PTGS1: variants seen among roughly 807,000 people sequenced by gnomAD.
The protein encoded by PTGS1 is prostaglandin G/H synthase 1.
In PTGS1, 40 loss-of-function variants were observed where a neutral mutation model predicts 63.0. The ratio of observed to expected loss-of-function variants is 0.63; its 90% CI spans 0.49 to 0.83. The LOEUF (loss-of-function observed/expected upper bound fraction) is 0.83. PTGS1 is among the 40% of genes least tolerant of loss of function. PTGS1 has a pLI of 0.00. For synonymous variants in PTGS1, 298 were observed against 301.9 expected (o/e 0.99, Z 0.13); for missense variants, 709 against 786.5 (o/e 0.90, Z 1.18).
chr9:122,372,006 G>A (rs560324634), intron 2 of PTGS1, among the ~76,000 whole-genome samples: 24 of 152,186 alleles, frequency 1.6e-4, no homozygotes, highest in South Asian at 4.1e-4. Context: ...GGGAAATTCC[G>A]CCCTTCCCTC....
At position 122,381,758 on chromosome 9, in the gene PTGS1, GC is replaced by G. The variant is rs772879352; in HGVS notation, c.762+13del. The G allele has an allele frequency of 1.2e-5, 19 of 1,592,882 alleles. 1 individual carries two copies. The South Asian group carries it at 1.8e-4, about 15-fold the overall frequency. On this transcript the variant is annotated intron_variant, in intron 7 of 10. Transcript: ENST00000362012. Reference sequence around the variant, plus strand: ...AAACTCAAGTACCAGGTAGTGCTGGGCCAGGGGGTAGGGCAGAGGGAGGGGT... The same window carrying G: ...AAACTCAAGTACCAGGTAGTGCTGGGCAGGGGGTAGGGCAGAGGGAGGGGT...
At chr9:122,375,344 C>G (rs759738095) in intron 2 of PTGS1, 15 of 985,484 alleles carry the variant, frequency 1.5e-5, no homozygotes, top group Non-Finnish European at 1.7e-5. Flanking sequence ...TTCTGCCTGC[C>G]GAGGCAGAGC....
intron 5 of PTGS1, among the ~76,000 whole-genome samples, chr9:122,380,464 C>CAAA (rs1212366547): frequency 2.9e-5 from 4 of 136,040 alleles, no homozygotes; most frequent in African/African-American, 1.2e-4. Flanking sequence ...GACCCTGTCT[C>CAAA]AAAAATAAAT....
intron 2 of PTGS1, 112 bp from the exon 3 acceptor site, chr9:122,377,787 C>A: frequency 1.1e-6 from 1 of 919,112 alleles, no homozygotes; most frequent in Non-Finnish European, 1.7e-6. Flanking sequence ...TGATTCAGGA[C>A]GGAGCTGCGA....
chr9:122,390,357 T>C lies in PTGS1; in HGVS notation c.1444+12T>C. 2 of 1,613,404 alleles carry C rather than the reference T, an allele frequency of 1.2e-6. No homozygotes were observed. The highest frequency in any genetic ancestry group is 1.7e-6 in the Non-Finnish European group (2 of 1,179,672). Reference sequence around the variant, plus strand: ...CCAGGAGCTCGTAGGTGAGCAGCTGTTTCCTGGATGCAGTCCCTGCCCTTG... The same window carrying C: ...CCAGGAGCTCGTAGGTGAGCAGCTGCTTCCTGGATGCAGTCCCTGCCCTTG... On this transcript the variant is annotated intron_variant, in intron 10 of 10. Transcript: ENST00000362012.
At chr9:122,387,205 A>G (rs1037619149) in intron 9 of PTGS1, among the ~76,000 whole-genome samples, 2 of 151,886 alleles carry the variant, frequency 1.3e-5, no homozygotes, top group Non-Finnish European at 2.9e-5. Flanking sequence ...AAGGAGGGAT[A>G]GAGATTTCCC....
rs1294785777 is a variant in PTGS1, at chr9:122,371,258, G to C, written c.80G>C (p.Gly27Ala). 1.2e-6 allele frequency: 2 copies of C among 1,605,760 alleles called. No individual in the cohort carries two copies. The highest frequency in any genetic ancestry group is 1.7e-6 in the Non-Finnish European group (2 of 1,179,930). Residue 27 changes from glycine (G) to alanine (A), a missense_variant, in exon 2 of 11, where the codon GGG (glycine) becomes GCG (alanine). Transcript: ENST00000362012. Reference protein sequence around the residue: ...PPLPVLLADPGAPTPVNPCCY... With the variant: ...PPLPVLLADPAAPTPVNPCCY... ...CTCCCCGTCCTGCTCGCGGACCCAGGGGCGCCCACGCCAGGTAGGCGGCCC... is the reference window on the plus strand; with the variant it reads ...CTCCCCGTCCTGCTCGCGGACCCAGCGGCGCCCACGCCAGGTAGGCGGCCC...
rs540414810 is a variant in PTGS1 at position 122,373,191 on chromosome 9, C to T, written c.94+1919C>T. ...TGGAGCAGGAGGCTGAGGTTGGATG[C>T]GTAATGTGGGGATGAGACTGGAGGC... On this transcript the variant is annotated intron_variant, in intron 2 of 10. Transcript: ENST00000362012. 5.9e-5 allele frequency among the ~76,000 whole-genome samples: 9 copies of T among 152,234 alleles called. No individual in the cohort carries two copies. The East Asian group carries it at 1.5e-3, about 26-fold the overall frequency.
At chr9:122,373,103 G>A (rs1836906710) in intron 2 of PTGS1, among the ~76,000 whole-genome samples, 1 of 152,202 alleles carries the variant, frequency 6.6e-6, no homozygotes, top group South Asian at 2.1e-4. Flanking sequence ...ACTGGACCTC[G>A]AAGGAGGTGG....
chr9:122,391,410 CATAT>C (rs1182952396), intron 10 of PTGS1, among the ~76,000 whole-genome samples: 6 of 50,696 alleles, frequency 1.2e-4, no homozygotes, highest in East Asian at 5.0e-4. Context: ...TATATATATA[CATAT>C]ATATATATAT....
rs1482293670 is a variant in PTGS1, at chr9:122,393,252, C to T, written c.*708C>T. 2 of 152,232 alleles carry T rather than the reference C, an allele frequency of 1.3e-5. No homozygotes were observed. The highest frequency in any genetic ancestry group is 2.9e-5 in the Non-Finnish European group (2 of 68,062). 9.4% of individuals were successfully genotyped at this position (152,232 alleles called of 1,614,324 possible). On this transcript the variant is annotated 3_prime_UTR_variant, in exon 11 of 11. Coordinates refer to ENST00000362012, the MANE Select transcript of PTGS1 (RefSeq NM_000962.4). ...AGCTCTATCCCCATCCAGGTCTTGA[C>T]TCATGGCAGCTGTTTCTCATGAAGC...
rs766339669 is a variant in PTGS1, at chr9:122,381,711, A to G, written c.726A>G (p.Gln242=). 6.2e-7 allele frequency: 1 copy of G among 1,614,072 alleles called. No individual in the cohort carries two copies. Among genetic ancestry groups the G allele is most frequent in the African/African-American group, 1.3e-5 (1 of 74,932 alleles). ...IYGDNLERQY[Q]LRLFKDGKLK... ...GAGACAATCTGGAGCGTCAGTATCA[A>G]CTGCGGCTCTTTAAGGATGGGAAAC... Residue 242 remains glutamine (Q), a synonymous_variant, in exon 7 of 11, where the codon CAA becomes CAG. Coordinates refer to ENST00000362012, the MANE Select transcript of PTGS1 (RefSeq NM_000962.4).
chr9:122,378,387 G>A lies in PTGS1; in HGVS notation c.212-46G>A, dbSNP rs1837306971. 4 of 1,608,552 alleles carry A rather than the reference G, an allele frequency of 2.5e-6. No individual in the cohort carries two copies. In the African/African-American group the frequency reaches 4.0e-5, roughly 16 times the overall value. On this transcript the variant is annotated intron_variant, in intron 3 of 10. Coordinates refer to ENST00000362012, the MANE Select transcript of PTGS1 (RefSeq NM_000962.4). ...CCATCTTCCACCCTGGCTACTTCTG[G>A]TTCTGGTAGGAGGGACCAACTGAGT...
intron 7 of PTGS1, among the ~76,000 whole-genome samples, chr9:122,382,510 T>G (rs558414195): frequency 6.6e-6 from 1 of 152,316 alleles, no homozygotes; most frequent in African/African-American, 2.4e-5. Flanking sequence ...CCACGCATAC[T>G]TAAAGGTTTT....
chr9:122,378,047 G>A lies in PTGS1; in HGVS notation c.211+32G>A, dbSNP rs876567. ...TGGGCCTTCAGCCCTCACTCCTTCC[G>A]TCTTGAGCCCTTCTGCTCCCCGGGC... On this transcript the variant is annotated intron_variant, in intron 3 of 10. Transcript: ENST00000362012. 11,758 of 1,581,350 alleles carry A rather than the reference G, an allele frequency of 7.4e-3. 290 individuals carry two copies. In the African/African-American group the frequency reaches 0.083, roughly 11 times the overall value.
chr9:122,371,212 T>TTCCTGC lies in PTGS1; in HGVS notation c.44_49dup (p.Leu15_Leu16dup), dbSNP rs534752292. 3.1e-6 allele frequency: 5 copies of TTCCTGC among 1,608,474 alleles called. No homozygotes were observed. The highest frequency in any genetic ancestry group is 4.2e-6 in the Non-Finnish European group (5 of 1,179,850). On this transcript the variant is annotated inframe_insertion, in exon 2 of 11. Coordinates refer to ENST00000362012, the MANE Select transcript of PTGS1 (RefSeq NM_000962.4). ...GAGTCTCTTGCTCTGGTTCTTGCTG[T>TTCCTGC]TCCTGCTCCTGCTCCCGCCGCTCCC... is the stretch of plus-strand genomic sequence containing the variant.
chr9:122,385,205 G>A (rs566649830), intron 8 of PTGS1, among the ~76,000 whole-genome samples: 24 of 152,204 alleles, frequency 1.6e-4, no homozygotes, highest in Non-Finnish European at 2.5e-4. Flanking sequence ...TGATCCACCC[G>A]CCTTGGCATC....
At chr9:122,384,952 T>C (rs989956757) in intron 8 of PTGS1, among the ~76,000 whole-genome samples, 8 of 152,184 alleles carry the variant, frequency 5.3e-5, no homozygotes, top group Non-Finnish European at 8.8e-5. Context: ...TAGTATTGCA[T>C]TGATGTTATT....
rs770420419 is a variant in PTGS1 at position 122,378,461 on chromosome 9, A to C, written c.240A>C (p.Ser80=). 2 of 1,614,070 alleles carry C rather than the reference A, an allele frequency of 1.2e-6. No individual in the cohort carries two copies. Among genetic ancestry groups the C allele is most frequent in the Admixed American group, 3.3e-5 (2 of 60,028 alleles). The change falls in exon 4 of 11, where the codon TCA becomes TCC. Residue 80 remains serine (S), a synonymous_variant. Coordinates refer to ENST00000362012, the MANE Select transcript of PTGS1 (RefSeq NM_000962.4). ...GCCTGTGGACCTGGCTCCGGAATTCACTGCGGCCCAGCCCCTCTTTCACCC... is the reference window on the plus strand; with the variant it reads ...GCCTGTGGACCTGGCTCCGGAATTCCCTGCGGCCCAGCCCCTCTTTCACCC... ...IPGLWTWLRN[S]LRPSPSFTHF... is the part of the protein sequence containing the mutation.
Sources: gnomAD v4.1 joint callset for allele counts (sites outside exome capture counted in the v4.1 genomes callset) on GRCh38, gnomAD v4.1.1 for gene constraint, MANE v1.5 for transcripts, NCBI Gene and HGNC (gene_info 2026-07-23, HGNC 2026-07-21) for gene names.